Variants in NBEA observed in about 807,000 individuals in gnomAD.
The protein encoded by NBEA is neurobeachin, also known as lysosomal-trafficking regulator 2.
A neutral mutation model predicts 343.4 loss-of-function variants in NBEA; 44 were observed. The ratio of observed to expected loss-of-function variants is 0.13; its 90% CI spans 0.10 to 0.16. The LOEUF is 0.16. Among genes scored for constraint, NBEA ranks in the 10% least tolerant of loss-of-function variants. The probability of loss-of-function intolerance (pLI) is 1.00; values close to 1 mark genes in which losing one functional copy is unlikely to be tolerated. For synonymous variants in NBEA, 1,175 were observed against 1,238.7 expected, an observed-to-expected ratio of 0.95 and a Z score of 1.08; for missense variants, 2,555 against 3,631.3, an observed-to-expected ratio of 0.70 and a Z score of 7.62.
intron 35 of NBEA, among the ~76,000 whole-genome samples, chr13:35,306,013 A>G (rs1184811526): frequency 1.3e-5 from 2 of 152,154 alleles, no homozygotes; most frequent in Admixed American, 6.6e-5. Context: ...GTTACTTTAA[A>G]TTCGTATATC....
chr13:35,263,716 A>G lies in NBEA; in HGVS notation c.5777-26673A>G, dbSNP rs566083982. Among the ~76,000 whole-genome samples the G allele has an allele frequency of 1.5e-4, 23 of 152,202 alleles. 1 individual carries two copies. Among genetic ancestry groups the G allele is most frequent in the Admixed American group, 7.2e-4 (11 of 15,278 alleles). ...AGAAGATATTAAAAGAAAAACTTTA[A>G]TATTTCTTGGACAAACAAAAATGGA... On this transcript the variant is annotated intron_variant, in intron 34 of 58. Coordinates refer to ENST00000379939, the MANE Select transcript of NBEA (RefSeq NM_001385012.1).
intron 11 of NBEA, 64 bp downstream of exon 11, chr13:35,098,469 A>T (rs2065448547): frequency 5.9e-6 from 7 of 1,196,370 alleles, no homozygotes; most frequent in African/African-American, 1.5e-5. Flanking sequence ...TTAATCACTA[A>T]TTTTTTTTTC....
chr13:35,122,148 C>G (rs1482242765), intron 16 of NBEA, among the ~76,000 whole-genome samples: 1 of 152,032 alleles, frequency 6.6e-6, no homozygotes, highest in Non-Finnish European at 1.5e-5. Context: ...TTAGTGGAGG[C>G]TATTTTGCTC....
chr13:34,953,722 C>G (rs1482808320), intron 1 of NBEA, among the ~76,000 whole-genome samples: 1 of 152,152 alleles, frequency 6.6e-6, no homozygotes, highest in African/African-American at 2.4e-5. Context: ...CCATACTAAA[C>G]ATGTATAGAC....
At chr13:35,602,966 A>G (rs1163066393) in intron 47 of NBEA, among the ~76,000 whole-genome samples, 1 of 152,200 alleles carries the variant, frequency 6.6e-6, no homozygotes, top group Admixed American at 6.5e-5. Flanking sequence ...TTTGAGAACA[A>G]TTCTGATGGC....
intron 28 of NBEA, among the ~76,000 whole-genome samples, chr13:35,181,933 T>C (rs2071348428): frequency 6.6e-6 from 1 of 151,714 alleles, no homozygotes; most frequent in African/African-American, 2.4e-5. Flanking sequence ...ACTAGGATTT[T>C]ATATGTATTT....
chr13:35,377,443 T>C (rs567171939), intron 38 of NBEA, among the ~76,000 whole-genome samples: 1 of 152,322 alleles, frequency 6.6e-6, no homozygotes, highest in East Asian at 1.9e-4. Context: ...GGATATCCCT[T>C]TCTTGTATAG....
At chr13:35,118,591 G>C (rs1346039618) in intron 16 of NBEA, 117 bp downstream of exon 16, 2 of 736,132 alleles carry the variant, frequency 2.7e-6, no homozygotes, top group Admixed American at 5.9e-5. Flanking sequence ...GCACATAAGA[G>C]AATAAATGGA....
chr13:35,567,085 G>A (rs994089206), intron 45 of NBEA, 68 bp downstream of exon 45: 2 of 795,080 alleles, frequency 2.5e-6, no homozygotes, highest in Non-Finnish European at 4.2e-6. Context: ...TTCTGTCAGA[G>A]TATATATAGC....
At chr13:35,668,973 G>C (rs929360548) in intron 58 of NBEA, among the ~76,000 whole-genome samples, 1 of 152,140 alleles carries the variant, frequency 6.6e-6, no homozygotes, top group Non-Finnish European at 1.5e-5. Flanking sequence ...AACAGCATGC[G>C]GCACTCACGC....
intron 38 of NBEA, among the ~76,000 whole-genome samples, chr13:35,371,887 G>A (rs1271312858): frequency 1.3e-5 from 2 of 152,180 alleles, no homozygotes; most frequent in Non-Finnish European, 2.9e-5. Context: ...AGCATCAGTT[G>A]TATCCATGAT....
At chr13:35,367,160 G>C (rs987970110) in intron 38 of NBEA, among the ~76,000 whole-genome samples, 1 of 151,106 alleles carries the variant, frequency 6.6e-6, no homozygotes, top group Non-Finnish European at 1.5e-5. Flanking sequence ...TATTATTATA[G>C]AATTATGTCT....
chr13:35,445,801 T>C (rs925219929), intron 39 of NBEA, among the ~76,000 whole-genome samples: 99 of 84,436 alleles, frequency 1.2e-3, no homozygotes, highest in East Asian at 5.2e-4. Context: ...TATATATATA[T>C]ATATATATAT....
In NBEA at chr13:35,529,914, C is replaced by T. The variant is rs148273586; in HGVS notation, c.6586-20563C>T. Among the ~76,000 whole-genome samples, 101 of 152,284 alleles carry T rather than the reference C, an allele frequency of 6.6e-4. 1 individual carries two copies. In the East Asian group the frequency reaches 0.016, roughly 24 times the overall value. On this transcript the variant is annotated intron_variant, in intron 41 of 58. Coordinates refer to ENST00000379939, the MANE Select transcript of NBEA (RefSeq NM_001385012.1). ...GGAAATAAAATTAGCACTACTGCTACCCGGTAATCTTTACAAGAGGATTGT... is the reference window on the plus strand; with the variant it reads ...GGAAATAAAATTAGCACTACTGCTATCCGGTAATCTTTACAAGAGGATTGT...
In NBEA at chr13:35,446,008, T is replaced by C. The variant is rs1156811531; in HGVS notation, c.6305-6084T>C. 3.4e-5 allele frequency among the ~76,000 whole-genome samples: 5 copies of C among 149,086 alleles called. No individual in the cohort carries two copies. The East Asian group carries it at 8.1e-4, about 24-fold the overall frequency. On this transcript the variant is annotated intron_variant, in intron 39 of 58. Transcript: ENST00000379939. Reference sequence around the variant, plus strand: ...CAGGCCCCAGTGTGTGATGTTCCCCTTCCTGTGTCCAAGTGTTCTCATTGT... The same window carrying C: ...CAGGCCCCAGTGTGTGATGTTCCCCCTCCTGTGTCCAAGTGTTCTCATTGT...
At chr13:35,531,902 T>C (rs2078281760) in intron 41 of NBEA, among the ~76,000 whole-genome samples, 2 of 152,208 alleles carry the variant, frequency 1.3e-5, no homozygotes, top group African/African-American at 4.8e-5. Context: ...TTTTCACTGA[T>C]TTATTTTGCC....
chr13:35,624,871 G>T (rs1304722308), intron 48 of NBEA, among the ~76,000 whole-genome samples: 1 of 151,972 alleles, frequency 6.6e-6, no homozygotes, highest in African/African-American at 2.4e-5. Context: ...AGGAGACTGG[G>T]CTTCTATGTA....
chr13:35,505,471 A>C (rs747623552), intron 41 of NBEA, among the ~76,000 whole-genome samples: 3 of 152,202 alleles, frequency 2.0e-5, no homozygotes, highest in Non-Finnish European at 4.4e-5. Context: ...GTCACTGTTT[A>C]AATAGTCCAG....
intron 34 of NBEA, among the ~76,000 whole-genome samples, chr13:35,248,324 T>C (rs1042283630): frequency 6.6e-6 from 1 of 152,152 alleles, no homozygotes; most frequent in Non-Finnish European, 1.5e-5. Context: ...ATCAATGTAA[T>C]ACATCACACA....
Sources: gnomAD v4.1 joint callset for allele counts (sites outside exome capture counted in the v4.1 genomes callset) on GRCh38, gnomAD v4.1.1 for gene constraint, MANE v1.5 for transcripts, NCBI Gene and HGNC (gene_info 2026-07-23, HGNC 2026-07-21) for gene names.